Variants in GALNTL6 observed in about 807,000 individuals in gnomAD.
GALNTL6 encodes the protein polypeptide N-acetylgalactosaminyltransferase like 6, also known as polypeptide N-acetylgalactosaminyltransferase-like 6.
A neutral mutation model predicts 73.7 loss-of-function variants in GALNTL6; 46 were observed. That is an observed-to-expected ratio of 0.62 (90% CI 0.49 to 0.80). The LOEUF is 0.80. Ranked by LOEUF, GALNTL6 falls within the 30% of genes least tolerant of loss-of-function variation. The pLI, the probability that GALNTL6 is intolerant of heterozygous loss-of-function variation, is 0.00. For missense variants in GALNTL6, 604 were observed against 755.0 expected (o/e 0.80, Z 2.34); for synonymous variants, 259 against 263.7 (o/e 0.98, Z 0.17).
chr4:171,884,609 T>C (rs1006973883), intron 2 of GALNTL6, among the ~76,000 whole-genome samples: 1 of 151,964 alleles, frequency 6.6e-6, no homozygotes, highest in Non-Finnish European at 1.5e-5. Flanking sequence ...TCAAATTATA[T>C]ATAAAAATAT....
At chr4:172,367,286 A>C (rs1036530763) in intron 5 of GALNTL6, among the ~76,000 whole-genome samples, 1 of 152,172 alleles carries the variant, frequency 6.6e-6, no homozygotes, top group East Asian at 1.9e-4. Context: ...AGGATGAAAA[A>C]GGTTGCTTAT....
chr4:172,303,357 T>C (rs1450349748), intron 3 of GALNTL6, among the ~76,000 whole-genome samples: 2 of 152,142 alleles, frequency 1.3e-5, no homozygotes, highest in Non-Finnish European at 2.9e-5. Flanking sequence ...GATTAAGATG[T>C]ACTACTTCCA....
intron 2 of GALNTL6, among the ~76,000 whole-genome samples, chr4:172,054,566 T>C (rs1465897722): frequency 6.6e-6 from 1 of 152,162 alleles, no homozygotes; most frequent in African/African-American, 2.4e-5. Flanking sequence ...TGATTGTATT[T>C]TCACATGTTG....
intron 3 of GALNTL6, among the ~76,000 whole-genome samples, chr4:172,289,145 G>A (rs938909367): frequency 3.3e-5 from 5 of 151,920 alleles, no homozygotes; most frequent in African/African-American, 1.2e-4. Flanking sequence ...TTTTTGATGT[G>A]TTTTCTTCCA....
chr4:172,794,235 C>A (rs2110939466), intron 5 of GALNTL6, among the ~76,000 whole-genome samples: 1 of 152,272 alleles, frequency 6.6e-6, no homozygotes, highest in African/African-American at 2.4e-5. Context: ...GGAATTCCTT[C>A]TAAAATTTGG....
intron 2 of GALNTL6, among the ~76,000 whole-genome samples, chr4:171,916,537 G>A (rs1344234113): frequency 3.3e-5 from 5 of 152,046 alleles, no homozygotes; most frequent in African/African-American, 1.2e-4. Flanking sequence ...AGTCTGACAT[G>A]TACTTTGACT....
intron 5 of GALNTL6, among the ~76,000 whole-genome samples, chr4:172,354,258 C>T (rs1215400941): frequency 6.6e-6 from 1 of 151,854 alleles, no homozygotes; most frequent in Non-Finnish European, 1.5e-5. Flanking sequence ...ATTTAATATT[C>T]GTATTTAAAA....
chr4:172,882,383 C>T (rs2111191554), intron 7 of GALNTL6, among the ~76,000 whole-genome samples: 1 of 152,266 alleles, frequency 6.6e-6, no homozygotes, highest in African/African-American at 2.4e-5. Context: ...TCTACAAAAG[C>T]ATTTTCAATA....
At chr4:172,975,199 T>C (rs961798093) in intron 10 of GALNTL6, among the ~76,000 whole-genome samples, 2 of 152,156 alleles carry the variant, frequency 1.3e-5, no homozygotes, top group African/African-American at 4.8e-5. Flanking sequence ...GAAGAGCTGC[T>C]TTATTGAGCA....
intron 5 of GALNTL6, among the ~76,000 whole-genome samples, chr4:172,798,412 A>G (rs1310594759): frequency 6.6e-6 from 1 of 152,050 alleles, no homozygotes; most frequent in African/African-American, 2.4e-5. Context: ...GGGTTGTTTC[A>G]AAGTGTGTAG....
chr4:171,974,439 G>T lies in GALNTL6; in HGVS notation c.138+159721G>T, dbSNP rs985828897. Reference sequence around the variant, plus strand: ...TCTTCATTACCATATTACCACAACTGGTCCCTTGTCACATTTATCCTGATT... The same window carrying T: ...TCTTCATTACCATATTACCACAACTTGTCCCTTGTCACATTTATCCTGATT... On this transcript the variant is annotated intron_variant, in intron 2 of 12. Transcript: ENST00000506823. 9.9e-5 allele frequency among the ~76,000 whole-genome samples: 15 copies of T among 152,020 alleles called. 1 individual carries two copies. In the South Asian group the frequency reaches 2.7e-3, roughly 27 times the overall value.
chr4:172,576,882 G>T (rs945712091), intron 5 of GALNTL6, among the ~76,000 whole-genome samples: 4 of 152,164 alleles, frequency 2.6e-5, no homozygotes, highest in Non-Finnish European at 4.4e-5. Flanking sequence ...GTCAATACGG[G>T]TTGTGCAGGT....
intron 2 of GALNTL6, among the ~76,000 whole-genome samples, chr4:171,949,266 C>T (rs1738794958): frequency 6.6e-6 from 1 of 152,130 alleles, no homozygotes; most frequent in South Asian, 2.1e-4. Context: ...AAGAAAACAA[C>T]AAACCTTACA....
chr4:172,867,620 T>C (rs1744725814), intron 7 of GALNTL6, among the ~76,000 whole-genome samples: 1 of 152,220 alleles, frequency 6.6e-6, no homozygotes, highest in African/African-American at 2.4e-5. Context: ...AGGTGCACAA[T>C]GCTTTCTGAG....
intron 2 of GALNTL6, among the ~76,000 whole-genome samples, chr4:171,837,824 A>G (rs1735136582): frequency 6.6e-6 from 1 of 150,722 alleles, no homozygotes; most frequent in Admixed American, 6.6e-5. Flanking sequence ...TTTCCCATCT[A>G]GAAATATTTA....
intron 2 of GALNTL6, among the ~76,000 whole-genome samples, chr4:172,081,822 G>A (rs1731888340): frequency 6.6e-6 from 1 of 151,880 alleles, no homozygotes. Context: ...GTGGATAATG[G>A]AGAGAAGTGG....
In GALNTL6 at chr4:172,988,155, A is replaced by G. The variant is rs373913685; in HGVS notation, c.1372-21023A>G. ...TTGAATCTTCCTAGAGACTTATTAAATTGTTGCAACCAAAATGCCAATAGT... is the reference window on the plus strand; with the variant it reads ...TTGAATCTTCCTAGAGACTTATTAAGTTGTTGCAACCAAAATGCCAATAGT... On this transcript the variant is annotated intron_variant, in intron 10 of 12. Transcript: ENST00000506823. 2.6e-5 allele frequency among the ~76,000 whole-genome samples: 4 copies of G among 152,210 alleles called. No individual in the cohort carries two copies. In the East Asian group the frequency reaches 5.8e-4, roughly 22 times the overall value.
intron 2 of GALNTL6, among the ~76,000 whole-genome samples, chr4:172,161,878 A>G (rs1734480809): frequency 1.3e-5 from 2 of 152,024 alleles, no homozygotes; most frequent in South Asian, 4.1e-4. Context: ...AAGATGTTCT[A>G]GAAAAAAGAA....
chr4:172,486,591 C>T (rs375514142), intron 5 of GALNTL6, among the ~76,000 whole-genome samples: 30 of 152,316 alleles, frequency 2.0e-4, no homozygotes, highest in African/African-American at 6.5e-4. Flanking sequence ...TGTTAGATTG[C>T]TTCCAGTTTC....
Sources: allele counts gnomAD v4.1 joint callset (sites outside exome capture counted in the v4.1 genomes callset), GRCh38; gene constraint gnomAD v4.1.1; transcripts MANE v1.5; gene names NCBI Gene and HGNC (gene_info 2026-07-23, HGNC 2026-07-21).